Variants in PLPP4 observed in about 807,000 individuals in gnomAD.
PLPP4 encodes phospholipid phosphatase 4.
A neutral mutation model predicts 32.2 loss-of-function variants in PLPP4; 20 were observed. That is an observed-to-expected ratio of 0.62 (90% CI 0.44 to 0.90). The LOEUF is 0.90. PLPP4 is among the 40% of genes least tolerant of loss of function. The probability of loss-of-function intolerance (pLI) is 0.00; values close to 1 mark genes in which losing one functional copy is unlikely to be tolerated. For synonymous variants in PLPP4, 127 were observed against 133.0 expected, an observed-to-expected ratio of 0.95 and a Z score of 0.31; for missense variants, 257 against 353.1, an observed-to-expected ratio of 0.73 and a Z score of 2.18.
chr10:120,588,012 G>T (rs900150448), intron 6 of PLPP4, among the ~76,000 whole-genome samples: 16 of 152,218 alleles, frequency 1.1e-4, no homozygotes, highest in African/African-American at 3.6e-4. Context: ...ACCCGCCAGG[G>T]TGTGGACACA....
At position 120,591,972 on chromosome 10, in the gene PLPP4, C is replaced by T. The variant is rs1850003556; in HGVS notation, c.*2470C>T. 6.6e-6 allele frequency among the ~76,000 whole-genome samples: 1 copy of T among 152,138 alleles called. No individual in the cohort carries two copies. The highest frequency in any genetic ancestry group is 2.4e-5 in the African/African-American group (1 of 41,418). ...TGTAAGCCAGTTCACAAAAGGCAGG[C>T]ATTTTTACAGATCCTTATGTTTCAA... On this transcript the variant is annotated 3_prime_UTR_variant, in exon 7 of 7. Transcript: ENST00000398250.
At chr10:120,587,922 A>G (rs1849836303) in intron 6 of PLPP4, among the ~76,000 whole-genome samples, 1 of 152,222 alleles carries the variant, frequency 6.6e-6, no homozygotes, top group Non-Finnish European at 1.5e-5. Flanking sequence ...GCAGATGGAC[A>G]TACCCTTCAG....
chr10:120,589,986 C>T lies in PLPP4; in HGVS notation c.*484C>T, dbSNP rs974574029. 1 of 153,042 alleles carries T rather than the reference C, an allele frequency of 6.5e-6. No homozygotes were observed. The highest frequency in any genetic ancestry group is 2.4e-5 in the African/African-American group (1 of 41,456). 9.5% of individuals were successfully genotyped at this position (153,042 alleles called of 1,614,324 possible). On this transcript the variant is annotated 3_prime_UTR_variant, in exon 7 of 7. Coordinates refer to ENST00000398250, the MANE Select transcript of PLPP4 (RefSeq NM_001030059.3). ...AAGGCTCAGAACCTTTCTGAGCCAT[C>T]AGCTTCTCATAGCCCACGTCTCTAA... is the stretch of plus-strand genomic sequence containing the variant.
chr10:120,465,752 C>G (rs1848278501), intron 1 of PLPP4, among the ~76,000 whole-genome samples: 1 of 152,122 alleles, frequency 6.6e-6, no homozygotes, highest in South Asian at 2.1e-4. Flanking sequence ...AGAAAACTAC[C>G]CGATCTACCA....
At chr10:120,461,995 A>T (rs1275430290) in intron 1 of PLPP4, among the ~76,000 whole-genome samples, 1 of 152,042 alleles carries the variant, frequency 6.6e-6, no homozygotes, top group Non-Finnish European at 1.5e-5. Flanking sequence ...CATCTTTACT[A>T]CCTCTAAGAG....
At chr10:120,533,498 C>T (rs577485932) in intron 5 of PLPP4, among the ~76,000 whole-genome samples, 1 of 152,164 alleles carries the variant, frequency 6.6e-6, no homozygotes, top group Admixed American at 6.5e-5. Flanking sequence ...GTATTGTTTA[C>T]AGCAAAAAGC....
At chr10:120,482,795 C>G (rs1051555096) in intron 1 of PLPP4, among the ~76,000 whole-genome samples, 1 of 151,770 alleles carries the variant, frequency 6.6e-6, no homozygotes, top group Non-Finnish European at 1.5e-5. Context: ...GCCTGTAGTC[C>G]CAGCTACTTG....
intron 5 of PLPP4, among the ~76,000 whole-genome samples, chr10:120,526,680 T>C (rs148417711): frequency 4.9e-4 from 74 of 152,330 alleles, no homozygotes; most frequent in Middle Eastern, 3.4e-3. Context: ...CCTCAGATAG[T>C]TAAAACTTCT....
In PLPP4 at chr10:120,568,253, C is replaced by G. The variant is rs186017145; in HGVS notation, c.446-6878C>G. On this transcript the variant is annotated intron_variant, in intron 5 of 6. Transcript: ENST00000398250. ...TCAGGGGTAACAGATCTTCTTAATG[C>G]AAAGGCCATTTATATTCCCTTCCTG... 2.4e-3 allele frequency among the ~76,000 whole-genome samples: 369 copies of G among 152,352 alleles called. 7 individuals carry two copies. Among genetic ancestry groups the G allele is most frequent in the African/African-American group, 8.4e-3 (348 of 41,576 alleles).
At chr10:120,570,306 T>C (rs1046104603) in intron 5 of PLPP4, among the ~76,000 whole-genome samples, 9 of 152,092 alleles carry the variant, frequency 5.9e-5, no homozygotes, top group Non-Finnish European at 1.3e-4. Context: ...TTATATCCTC[T>C]GCAAAACACC....
intron 1 of PLPP4, among the ~76,000 whole-genome samples, chr10:120,463,391 G>A (rs550716155): frequency 2.6e-5 from 4 of 152,308 alleles, no homozygotes; most frequent in South Asian, 2.1e-4. Flanking sequence ...GGGCTTTGGA[G>A]CCAGACAGGT....
rs181041531 is a variant in PLPP4 at position 120,547,293 on chromosome 10, G to A, written c.445+26198G>A. Among the ~76,000 whole-genome samples the A allele has an allele frequency of 1.4e-4, 22 of 151,892 alleles. No homozygotes were observed. In the East Asian group the frequency reaches 2.9e-3, roughly 20 times the overall value. On this transcript the variant is annotated intron_variant, in intron 5 of 6. Coordinates refer to ENST00000398250, the MANE Select transcript of PLPP4 (RefSeq NM_001030059.3). Reference sequence around the variant, plus strand: ...TCAAAGAAATCTCTAGAAATTAGAGGGCAAATCATAACCCTATGAGAACCT... The same window carrying A: ...TCAAAGAAATCTCTAGAAATTAGAGAGCAAATCATAACCCTATGAGAACCT...
intron 5 of PLPP4, among the ~76,000 whole-genome samples, chr10:120,571,645 G>A (rs1350343545): frequency 2.6e-5 from 4 of 152,122 alleles, no homozygotes; most frequent in South Asian, 2.1e-4. Flanking sequence ...TTCAGAGTTG[G>A]GTGGGAGATG....
At chr10:120,549,335 C>G (rs1342103334) in intron 5 of PLPP4, among the ~76,000 whole-genome samples, 1 of 150,358 alleles carries the variant, frequency 6.7e-6, no homozygotes, top group Admixed American at 6.7e-5. Context: ...AAAATGGATA[C>G]TAGATGAAGG....
intron 6 of PLPP4, among the ~76,000 whole-genome samples, chr10:120,578,370 T>G (rs1004180063): frequency 6.6e-6 from 1 of 152,222 alleles, no homozygotes; most frequent in Admixed American, 6.5e-5. Flanking sequence ...GCCCAGTGAC[T>G]GTGGGCGGGG....
At chr10:120,518,304 C>T (rs1471501602) in intron 3 of PLPP4, among the ~76,000 whole-genome samples, 1 of 152,148 alleles carries the variant, frequency 6.6e-6, no homozygotes, top group African/African-American at 2.4e-5. Flanking sequence ...GGACTCTGCA[C>T]CTTGGCAGAA....
chr10:120,560,025 C>T (rs777061267), intron 5 of PLPP4, among the ~76,000 whole-genome samples: 4 of 152,264 alleles, frequency 2.6e-5, no homozygotes, highest in East Asian at 1.9e-4. Flanking sequence ...CACCGTGTGG[C>T]GCTGATCACC....
intron 5 of PLPP4, among the ~76,000 whole-genome samples, chr10:120,560,345 GAA>G (rs1848372602): frequency 1.1e-5 from 1 of 87,078 alleles, no homozygotes; most frequent in African/African-American, 4.2e-5. Context: ...AAAAAAAAAA[GAA>G]AGAAAAAAAT....
At chr10:120,503,702 C>T in intron 1 of PLPP4, 116 bp from the exon 2 acceptor site, 1 of 1,589,598 alleles carries the variant, frequency 6.3e-7, no homozygotes, top group Non-Finnish European at 8.6e-7. Flanking sequence ...GTCTCTTTCC[C>T]CTTCCCCAGC....
Sources: gnomAD v4.1 joint callset for allele counts (sites outside exome capture counted in the v4.1 genomes callset) on GRCh38, gnomAD v4.1.1 for gene constraint, MANE v1.5 for transcripts, NCBI Gene and HGNC (gene_info 2026-07-23, HGNC 2026-07-21) for gene names.